Variants in ATG2A observed in about 807,000 individuals in gnomAD.
ATG2A encodes the protein autophagy related 2A, also known as autophagy-related protein 2 homolog A.
ATG2A carries 103 observed loss-of-function variants against 214.2 expected under a neutral mutation model. The observed-to-expected ratio is 0.48, with a 90% CI of 0.41 to 0.57. The LOEUF (loss-of-function observed/expected upper bound fraction) is 0.57. ATG2A is among the 20% of genes least tolerant of loss of function. ATG2A has a pLI of 0.00. For synonymous variants in ATG2A, 1,160 were observed against 1,142.1 expected (o/e 1.02, Z -0.32); for missense variants, 2,312 against 2,613.2 (o/e 0.88, Z 2.51).
chr11:64,913,987 C>A lies in ATG2A; in HGVS notation c.488-64G>T, dbSNP rs906681021. On this transcript the variant is annotated intron_variant, in intron 3 of 40. Transcript: ENST00000377264. This position sits in a 1 kb window ranked among gnomAD's most constrained non-coding sequence, Gnocchi z 4.3. Reference sequence around the variant, plus strand: ...GCAAAGGGGAGGCAGAATTTCCCATCTGGGCACCAGGGTGGCCGTGCCGTT... The same window carrying A: ...GCAAAGGGGAGGCAGAATTTCCCATATGGGCACCAGGGTGGCCGTGCCGTT... 9 of 1,585,404 alleles carry A rather than the reference C, an allele frequency of 5.7e-6. No homozygotes were observed. In the East Asian group the frequency reaches 1.9e-4, roughly 33 times the overall value.
In ATG2A at chr11:64,917,067, GTGGT is replaced by G; in HGVS notation, c.65_68del (p.His22ProfsTer3). ...GCTCTTGGAAGAAGTGACCTAAGTA[GTGGT>G]GCAGCAAGTAGCGGCAGACCCGCTC... On this transcript the variant is annotated frameshift_variant, in exon 1 of 41. Coordinates refer to ENST00000377264, the MANE Select transcript of ATG2A (RefSeq NM_015104.3). LOFTEE classifies it high-confidence loss of function. 1 of 1,613,722 alleles carries G rather than the reference GTGGT, an allele frequency of 6.2e-7. No individual in the cohort carries two copies. The highest frequency in any genetic ancestry group is 8.5e-7 in the Non-Finnish European group (1 of 1,179,998).
chr11:64,913,218 G>T lies in ATG2A; in HGVS notation c.726+48C>A, dbSNP rs1244717005. 3.1e-6 allele frequency: 5 copies of T among 1,612,004 alleles called. No homozygotes were observed. In the South Asian group the frequency reaches 5.5e-5, roughly 18 times the overall value. ...CAGAAAGGATGGGAGGGGCTCAATG[G>T]GCTCAAGGGAGAGGAGACAGGGGCT... On this transcript the variant is annotated intron_variant, in intron 5 of 40. Transcript: ENST00000377264. The surrounding 1 kb of genome is among the most constrained non-coding windows in gnomAD (Gnocchi z 4.3).
chr11:64,912,136 G>A lies in ATG2A; in HGVS notation c.1036C>T (p.Pro346Ser). 2 of 1,613,898 alleles carry A rather than the reference G, an allele frequency of 1.2e-6. No homozygotes were observed. The highest frequency in any genetic ancestry group is 2.2e-5 in the South Asian group (2 of 91,086). ...TTGGTAAGGGGGTCTGGGCTGAGGG[G>A]CTCAGCCACTGCCCCTGCCTGCAGC... ...QQLQAGAVAE[P>S]LSPDPLTNPL... Residue 346 changes from proline (P) to serine (S), a missense_variant, in exon 8 of 41, where the codon CCC becomes TCC. Coordinates refer to ENST00000377264, the MANE Select transcript of ATG2A (RefSeq NM_015104.3).
At position 64,894,816 on chromosome 11, in the gene ATG2A, C is replaced by A. The variant is rs1194084502; in HGVS notation, c.*157G>T. On this transcript the variant is annotated 3_prime_UTR_variant, in exon 41 of 41. Coordinates refer to ENST00000377264, the MANE Select transcript of ATG2A (RefSeq NM_015104.3). ...CTAAGGCCCCAAGGCAGGGAGGCCC[C>A]CCTCTCACAGCAGATTGGCAACGGG... 17 of 927,298 alleles carry A rather than the reference C, an allele frequency of 1.8e-5. No homozygotes were observed. The highest frequency in any genetic ancestry group is 2.6e-5 in the Non-Finnish European group (15 of 569,726). 57.4% of individuals were successfully genotyped at this position (927,298 alleles called of 1,614,324 possible).
rs1944731362 is a variant in ATG2A, at chr11:64,910,599, T to C, written c.1707+17A>G. 2 of 1,584,002 alleles carry C rather than the reference T, an allele frequency of 1.3e-6. No individual in the cohort carries two copies. The highest frequency in any genetic ancestry group is 1.7e-6 in the Non-Finnish European group (2 of 1,166,560). On this transcript the variant is annotated intron_variant, in intron 12 of 40. Transcript: ENST00000377264. The stretch of plus-strand genomic sequence containing the variant: ...ACGCCATGGGGACAGCCTGGTGGCC[T>C]GGAGCGGGTGGGTTACCTTAGGCAC...
At chr11:64,907,959 C>T in intron 16 of ATG2A, 69 bp from the exon 17 acceptor site, 3 of 1,529,954 alleles carry the variant, frequency 2.0e-6, no homozygotes, top group Non-Finnish European at 1.8e-6. Context: ...TGTCTCTGGT[C>T]TCAGTCCTGC....
chr11:64,911,707 C>A, intron 9 of ATG2A, 135 bp downstream of exon 9: 1 of 1,304,730 alleles, frequency 7.7e-7, no homozygotes. Context: ...TGTTTGGTCC[C>A]CAGGGAACCA....
intron 39 of ATG2A, among the ~76,000 whole-genome samples, chr11:64,896,109 C>T (rs982780959): frequency 3.9e-5 from 6 of 152,326 alleles, no homozygotes; most frequent in East Asian, 3.9e-4. Flanking sequence ...CCTAGCGAAG[C>T]GTATGGCCTG....
chr11:64,895,590 C>A lies in ATG2A; in HGVS notation c.5428-148G>T. On this transcript the variant is annotated intron_variant, in intron 39 of 40. Transcript: ENST00000377264. The surrounding 1 kb of genome is among the most constrained non-coding windows in gnomAD (Gnocchi z 5.0). ...GGGGGTCCTGCTCAGCCTCACTCCC[C>A]ACTTCCTCCCACTCTTCCTCCCCTT... 1 of 874,818 alleles carries A rather than the reference C, an allele frequency of 1.1e-6. No individual in the cohort carries two copies. Among genetic ancestry groups the A allele is most frequent in the Non-Finnish European group, 1.7e-6 (1 of 592,270 alleles). The allele number at this position is 874,818 out of a possible 1,614,324, so 54.2% of individuals were successfully genotyped here.
chr11:64,913,495 G>A lies in ATG2A; in HGVS notation c.591-94C>T, dbSNP rs941809241. 3.4e-5 allele frequency: 49 copies of A among 1,425,240 alleles called. 1 individual carries two copies. Among genetic ancestry groups the A allele is most frequent in the Non-Finnish European group, 4.4e-5 (48 of 1,078,808 alleles). 88.3% of individuals were successfully genotyped at this position (1,425,240 alleles called of 1,614,324 possible). A position where few individuals can be genotyped will look rare whatever the true frequency, so the allele number is the denominator to read the frequency against. ...TCTGCTCTAGGGGCACGGGGTCAGG[G>A]AGCCTAGCCTGCAGAGCTGCCCCAT... On this transcript the variant is annotated intron_variant, in intron 4 of 40. Coordinates refer to ENST00000377264, the MANE Select transcript of ATG2A (RefSeq NM_015104.3). This position sits in a 1 kb window ranked among gnomAD's most constrained non-coding sequence, Gnocchi z 4.3.
At chr11:64,906,576 ACCCACTCCAC>A in intron 20 of ATG2A, 43 bp from the exon 21 acceptor site, 1 of 1,608,790 alleles carries the variant, frequency 6.2e-7, no homozygotes, top group Non-Finnish European at 8.5e-7. Flanking sequence ...CCAACTGGCT[ACCCACTCCAC>A]CCAGGGCCCA....
Position 64,913,014 on chromosome 11 carries a change from C to T in ATG2A, c.825+24G>A. 6.7e-7 allele frequency: 1 copy of T among 1,490,906 alleles called. No homozygotes were observed. The highest frequency in any genetic ancestry group is 9.0e-7 in the Non-Finnish European group (1 of 1,107,994). The allele number at this position is 1,490,906 out of a possible 1,614,324, so 92.4% of individuals were successfully genotyped here. ...AGTCTTGAGATGGGGTACTCACCCC[C>T]TCCCCAGGGGCCTGGGGACCCACCT... On this transcript the variant is annotated intron_variant, in intron 6 of 40. Transcript: ENST00000377264. The surrounding 1 kb of genome is among the most constrained non-coding windows in gnomAD (Gnocchi z 4.3).
chr11:64,916,830 G>T, intron 1 of ATG2A, 135 bp downstream of exon 1: 1 of 1,186,778 alleles, frequency 8.4e-7, no homozygotes, highest in Non-Finnish European at 1.1e-6. Context: ...TGCCTCTGAC[G>T]CCTGGAGAGG....
intron 24 of ATG2A, among the ~76,000 whole-genome samples, chr11:64,905,153 A>G (rs1357485308): frequency 6.6e-6 from 1 of 152,032 alleles, no homozygotes; most frequent in Non-Finnish European, 1.5e-5. Flanking sequence ...CGCACCCTCC[A>G]TCTTCTTATA....
intron 1 of ATG2A, among the ~76,000 whole-genome samples, chr11:64,915,609 T>G (rs1590664637): frequency 6.6e-6 from 1 of 152,050 alleles, no homozygotes; most frequent in East Asian, 1.9e-4. Flanking sequence ...ACCAGGGCCC[T>G]AGAGAAGCCA....
intron 1 of ATG2A, among the ~76,000 whole-genome samples, chr11:64,915,879 C>G (rs1393962634): frequency 1.3e-5 from 2 of 152,122 alleles, no homozygotes; most frequent in African/African-American, 4.8e-5. Context: ...TCAGAGAGGG[C>G]TTCCTACACC....
intron 3 of ATG2A, 74 bp downstream of exon 3, chr11:64,914,007 G>A: frequency 1.3e-6 from 2 of 1,560,280 alleles, no homozygotes; most frequent in Non-Finnish European, 8.7e-7. Context: ...GGGTGGCCGT[G>A]CCGTTGTCTG....
At position 64,917,139 on chromosome 11, in the gene ATG2A, G is replaced by T. The variant is rs1239884943; in HGVS notation, c.-4C>A. Reference sequence around the variant, plus strand: ...ATGGCCACAGCCATCGTGACATCTCGGAGACCGCCGGGCCTGGGCCGCCTC... The same window carrying T: ...ATGGCCACAGCCATCGTGACATCTCTGAGACCGCCGGGCCTGGGCCGCCTC... On this transcript the variant is annotated 5_prime_UTR_variant, in exon 1 of 41. Coordinates refer to ENST00000377264, the MANE Select transcript of ATG2A (RefSeq NM_015104.3). 6.3e-6 allele frequency: 10 copies of T among 1,599,694 alleles called. No homozygotes were observed.
chr11:64,900,544 C>T lies in ATG2A; in HGVS notation c.4414G>A (p.Gly1472Arg), dbSNP rs762895413. 43 of 1,613,422 alleles carry T rather than the reference C, an allele frequency of 2.7e-5. No individual in the cohort carries two copies. The highest frequency in any genetic ancestry group is 3.6e-5 in the Non-Finnish European group (43 of 1,180,018). ...NRPQNSWRTQ[G>R]GSGRQHHVLM... Reference sequence around the variant, plus strand: ...ACATGGTGCTGCCGCCCGCTGCCCCCCTGCGTGCGCCATGAGTTCTGGGGC... The same window carrying T: ...ACATGGTGCTGCCGCCCGCTGCCCCTCTGCGTGCGCCATGAGTTCTGGGGC... The change falls in exon 31 of 41, where the codon GGG becomes AGG. Residue 1472 changes from glycine (G) to arginine (R), a missense_variant. Coordinates refer to ENST00000377264, the MANE Select transcript of ATG2A (RefSeq NM_015104.3).
Sources: allele counts gnomAD v4.1 joint callset (sites outside exome capture counted in the v4.1 genomes callset), GRCh38; gene constraint gnomAD v4.1.1; non-coding constraint Gnocchi (gnomAD v3.1); transcripts MANE v1.5; gene names NCBI Gene and HGNC (gene_info 2026-07-23, HGNC 2026-07-21).